Variants in MACF1 observed in about 807,000 individuals in gnomAD.
MACF1 encodes the protein microtubule-actin cross-linking factor 1.
Under a neutral mutation model 854.8 loss-of-function variants are expected in MACF1, and 193 were observed. That is an observed-to-expected ratio of 0.23 (90% CI 0.20 to 0.25). MACF1 has a LOEUF of 0.25. MACF1 is among the 10% of genes least tolerant of loss of function. The pLI is 1.00. For synonymous variants in MACF1, 3,185 were observed against 3,226.7 expected (o/e 0.99, Z 0.44); for missense variants, 7,722 against 8,929.1 (o/e 0.86, Z 5.45).
chr1:39,423,900 G>A, intron 60 of MACF1, 128 bp from the exon 61 acceptor site: 2 of 714,046 alleles, frequency 2.8e-6, no homozygotes, highest in East Asian at 2.9e-5. Context: ...CCCCAAGGAT[G>A]AAAAAAACTT....
rs1553458204 is a variant in MACF1 at position 39,477,135 on chromosome 1, T to TACACACAC, written c.21959-2651_21959-2644dup. 1.5e-3 allele frequency among the ~76,000 whole-genome samples: 159 copies of TACACACAC among 103,354 alleles called. 5 individuals are homozygous for TACACACAC. Among genetic ancestry groups the TACACACAC allele is most frequent in the African/African-American group, 5.5e-3 (143 of 25,778 alleles). The allele number at this position is 103,354 out of a possible 152,430, so 67.8% of individuals were successfully genotyped here. On this transcript the variant is annotated intron_variant, in intron 97 of 100. Transcript: ENST00000564288. Reference sequence around the variant, plus strand: ...CACTTAGTGTATATATATATATATATACACACACACACACACACAGATGTG... The same window carrying TACACACAC: ...CACTTAGTGTATATATATATATATATACACACACACACACACACACACACACAGATGTG...
rs1481559739 is a variant in MACF1, at chr1:39,409,964, C to T, written c.15817-12410C>T. On this transcript the variant is annotated intron_variant, in intron 58 of 100. Coordinates refer to ENST00000564288, the MANE Select transcript of MACF1 (RefSeq NM_001394062.1). The surrounding 1 kb of genome is among the most constrained non-coding windows in gnomAD (Gnocchi z 4.2). ...GTCAATATCAGATGATTTTTGTTGA[C>T]TGTATTTGAAAGAGCAGTGCTCTTA... 1 of 287,020 alleles carries T rather than the reference C, an allele frequency of 3.5e-6. No homozygotes were observed. The highest frequency in any genetic ancestry group is 6.4e-6 in the Non-Finnish European group (1 of 155,738). 17.8% of individuals were successfully genotyped at this position (287,020 alleles called of 1,614,324 possible).
chr1:39,387,157 A>G (rs771357163), intron 57 of MACF1, 30 bp from the exon 58 acceptor site: 8 of 1,602,746 alleles, frequency 5.0e-6, no homozygotes, highest in South Asian at 2.2e-5. Context: ...TTCAGGCTTT[A>G]TTGATTTCAA....
intron 2 of MACF1, among the ~76,000 whole-genome samples, chr1:39,087,294 A>G (rs1399653388): frequency 6.6e-6 from 1 of 152,144 alleles, no homozygotes; most frequent in African/African-American, 2.4e-5. Context: ...AATCACTCTC[A>G]CCAAATAGAG....
intron 2 of MACF1, among the ~76,000 whole-genome samples, chr1:39,144,030 C>T (rs1485317451): frequency 4.0e-5 from 6 of 150,702 alleles, no homozygotes; most frequent in Non-Finnish European, 7.4e-5. Flanking sequence ...CCTCGTGATC[C>T]GCCCGCCTCG....
intron 6 of MACF1, among the ~76,000 whole-genome samples, chr1:39,273,853 G>A (rs1352489953): frequency 6.6e-6 from 1 of 152,110 alleles, no homozygotes; most frequent in Admixed American, 6.5e-5. Flanking sequence ...GCTTCCCAAA[G>A]TGCTGGGATT....
intron 100 of MACF1, 46 bp from the exon 101 acceptor site, chr1:39,485,492 C>T (rs1233330260): frequency 2.6e-6 from 4 of 1,532,902 alleles, no homozygotes; most frequent in African/African-American, 1.4e-5. Flanking sequence ...GTTCTTCCAC[C>T]CCATGCCATC....
chr1:39,484,915 T>C, intron 100 of MACF1, 185 bp downstream of exon 100: 1 of 666,752 alleles, frequency 1.5e-6, no homozygotes. Context: ...AGCTTTAAGC[T>C]TTCCTTCTGA....
rs1641852803 is a variant in MACF1, at chr1:39,387,484, A to G, written c.14642A>G (p.Lys4881Arg). 1 of 1,614,218 alleles carries G rather than the reference A, an allele frequency of 6.2e-7. No individual in the cohort carries two copies. The highest frequency in any genetic ancestry group is 1.7e-5 in the Admixed American group (1 of 60,016). The change falls in exon 58 of 101, where the codon AAA (lysine) becomes AGA (arginine). Residue 4881 changes from lysine (K) to arginine (R), a missense_variant. Transcript: ENST00000564288. ...CTACAAAACCAGTTGGTTGAGCTCA[A>G]AAACCATTGGGAAGAGCTTAGTAAA... ...RTLQNQLVELKNHWEELSKKT... is the reference protein window; with the variant it reads ...RTLQNQLVELRNHWEELSKKT...
Position 39,334,702 on chromosome 1 carries a change from C to T in MACF1, c.8114C>T (p.Ala2705Val), listed in dbSNP as rs563579184. ...GCTACTGGAAAAAGACTGACATTGG[C>T]ATCAGCTTTGGAAGAGAAACTGGTG... ...DTATGKRLTL[A>V]SALEEKLVDE... The change falls in exon 37 of 101, where the codon GCA (alanine) becomes GTA (valine). Residue 2705 changes from alanine to valine, a missense_variant. Physicochemically the swap from Ala to Val is moderately conservative, Grantham distance 64 (BLOSUM62 0). This residue lies in a region of MACF1 where 1,531 missense variants were observed against 1,601.6 expected (regional missense o/e 0.96). Coordinates refer to ENST00000564288, the MANE Select transcript of MACF1 (RefSeq NM_001394062.1). 2 of 1,614,108 alleles carry T rather than the reference C, an allele frequency of 1.2e-6. No homozygotes were observed. The highest frequency in any genetic ancestry group is 2.2e-5 in the East Asian group (1 of 44,872).
At chr1:39,463,815 C>A in intron 94 of MACF1, 129 bp downstream of exon 94, 1 of 729,894 alleles carries the variant, frequency 1.4e-6, no homozygotes, top group Admixed American at 2.3e-5. Flanking sequence ...CTGACCTCAT[C>A]TCTATAGATG....
At chr1:39,262,397 C>CAAAA (rs56376033) in intron 6 of MACF1, among the ~76,000 whole-genome samples, 1,425 of 67,990 alleles carry the variant, frequency 0.021, 70 homozygotes, top group Non-Finnish European at 0.024. Flanking sequence ...GACTCCATCA[C>CAAAA]AAAAAAAAAA....
At chr1:39,459,960 C>A in intron 91 of MACF1, 1 of 605,590 alleles carries the variant, frequency 1.7e-6, no homozygotes, top group Non-Finnish European at 2.6e-6. Context: ...GAAACTGCTG[C>A]ACTCTTTAAG....
At chr1:39,091,382 GT>G (rs1254653813) in intron 2 of MACF1, among the ~76,000 whole-genome samples, 1 of 152,174 alleles carries the variant, frequency 6.6e-6, no homozygotes, top group Non-Finnish European at 1.5e-5. Context: ...TTGAGCCTCA[GT>G]TTCTTACAGT....
intron 2 of MACF1, among the ~76,000 whole-genome samples, chr1:39,138,785 C>G (rs1290632391): frequency 7.8e-6 from 1 of 128,960 alleles, no homozygotes; most frequent in Admixed American, 7.6e-5. Flanking sequence ...CTGCCTCAGC[C>G]TCCTGAGTAG....
At chr1:39,269,862 C>T in intron 6 of MACF1, 1 of 567,046 alleles carries the variant, frequency 1.8e-6, no homozygotes, top group East Asian at 6.9e-5. Context: ...TGCTGGAGCT[C>T]AGCAAGCAGA....
intron 38 of MACF1, among the ~76,000 whole-genome samples, chr1:39,338,882 G>C (rs1646875590): frequency 6.6e-6 from 1 of 151,774 alleles, no homozygotes; most frequent in Non-Finnish European, 1.5e-5. Flanking sequence ...AGCTTTTTAG[G>C]GCATTACACT....
At position 39,234,739 on chromosome 1, in the gene MACF1, A is replaced by C. The variant is rs375164620; in HGVS notation, c.171+3496A>C. Among the ~76,000 whole-genome samples the C allele has an allele frequency of 6.1e-4, 77 of 126,970 alleles. No individual in the cohort carries two copies. In the East Asian group the frequency reaches 0.016, roughly 27 times the overall value. The allele number at this position is 126,970 out of a possible 152,430, so 83.3% of individuals were successfully genotyped here. A position where few individuals can be genotyped will look rare whatever the true frequency, so the allele number is the denominator to read the frequency against. On this transcript the variant is annotated intron_variant, in intron 2 of 100. Transcript: ENST00000564288. ...CGGCTGCCGGGCGGAGGGGCTCCTC[A>C]CTTCTCAGACGGGGCGGTTGCCAGG... is the stretch of plus-strand genomic sequence containing the variant.
chr1:39,312,882 C>T (rs1646330737), intron 26 of MACF1, among the ~76,000 whole-genome samples: 1 of 152,108 alleles, frequency 6.6e-6, no homozygotes, highest in South Asian at 2.1e-4. Flanking sequence ...AAGCTCACGC[C>T]TCATTAAAAT....
Sources: gnomAD v4.1 joint callset for allele counts (sites outside exome capture counted in the v4.1 genomes callset) on GRCh38, gnomAD v4.1.1 for gene constraint, gnomAD v4.1.1 regional missense constraint, Gnocchi (gnomAD v3.1) non-coding constraint, MANE v1.5 for transcripts, NCBI Gene and HGNC (gene_info 2026-07-23, HGNC 2026-07-21) for gene names.